TSC1: variants seen among roughly 807,000 people sequenced by gnomAD.
TSC1 encodes TSC complex subunit 1.
TSC1 carries 20 observed loss-of-function variants against 124.3 expected under a neutral mutation model. The ratio of observed to expected loss-of-function variants is 0.16; its 90% CI spans 0.11 to 0.23. The LOEUF is 0.23. TSC1 is among the 10% of genes least tolerant of loss of function. The pLI, the probability that TSC1 is intolerant of heterozygous loss-of-function variation, is 1.00. For synonymous variants in TSC1, 493 were observed against 539.1 expected (o/e 0.91, Z 1.19); for missense variants, 1,124 against 1,448.5 (o/e 0.78, Z 3.64).
intron 8 of TSC1, among the ~76,000 whole-genome samples, chr9:132,913,378 G>A (rs1275027885): frequency 2.0e-5 from 3 of 152,196 alleles, no homozygotes; most frequent in African/African-American, 7.2e-5. Context: ...TGTGCCCTTT[G>A]TGGTGAGTCT....
At chr9:132,911,416 G>T in intron 10 of TSC1, 37 bp downstream of exon 10, 1 of 1,487,798 alleles carries the variant, frequency 6.7e-7, no homozygotes, top group Non-Finnish European at 9.4e-7. Context: ...TCACCAGAAA[G>T]CAGAGGAGAG....
chr9:132,905,491 G>T, intron 15 of TSC1, 90 bp downstream of exon 15: 1 of 1,582,284 alleles, frequency 6.3e-7, no homozygotes. Context: ...GTGGGAGTGT[G>T]AAGAATGATT....
chr9:132,938,600 G>A (rs1237533051), intron 1 of TSC1, among the ~76,000 whole-genome samples: 2 of 152,076 alleles, frequency 1.3e-5, no homozygotes, highest in African/African-American at 2.4e-5. Context: ...GTTTACAGAC[G>A]GATGGCTTAT....
Position 132,921,197 on chromosome 9 carries a change from A to G in TSC1, c.737+166T>C, listed in dbSNP as rs913727395. 3.3e-5 allele frequency among the ~76,000 whole-genome samples: 5 copies of G among 152,106 alleles called. No individual in the cohort carries two copies. Among genetic ancestry groups the G allele is most frequent in the African/African-American group, 1.2e-4 (5 of 41,430 alleles). On this transcript the variant is annotated intron_variant, in intron 8 of 22. Transcript: ENST00000298552. The surrounding 1 kb of genome is among the most constrained non-coding windows in gnomAD (Gnocchi z 4.3). ...TATTAGTCCTCCGCCTGTGAAGAGT[A>G]TGTTTTAAACTCACACAAATTTTAG...
At position 132,896,274 on chromosome 9, in the gene TSC1, A is replaced by G. The variant is rs1588285851; in HGVS notation, c.3456T>C (p.His1152=). The change falls in exon 23 of 23, where the codon CAT becomes CAC. Residue 1152 remains histidine (H), a synonymous_variant. Transcript: ENST00000298552. The surrounding 1 kb of genome is among the most constrained non-coding windows in gnomAD (Gnocchi z 4.5). Reference sequence around the variant, plus strand: ...GATGAGTCTCATTGTAGTCCATGATATGTAGCTGTCCAACACTGTCCGGGG... The same window carrying G: ...GATGAGTCTCATTGTAGTCCATGATGTGTAGCTGTCCAACACTGTCCGGGG... ...PPTPDSVGQL[H]IMDYNETHHE... 4 of 1,614,180 alleles carry G rather than the reference A, an allele frequency of 2.5e-6. No individual in the cohort carries two copies. The highest frequency in any genetic ancestry group is 3.4e-6 in the Non-Finnish European group (4 of 1,180,030).
intron 20 of TSC1, chr9:132,898,860 C>T (rs1845222764): frequency 2.0e-5 from 3 of 152,298 alleles, no homozygotes; most frequent in African/African-American, 4.8e-5. Context: ...TAGGGATGGG[C>T]ACAGGACAGG....
chr9:132,908,901 C>CTTTTTTTTTTT lies in TSC1; in HGVS notation c.1264-1542_1264-1532dup, dbSNP rs35234317. On this transcript the variant is annotated intron_variant, in intron 12 of 22. Coordinates refer to ENST00000298552, the MANE Select transcript of TSC1 (RefSeq NM_000368.5). ...TTAAAACCCACTAGTCTACCTTGCA[C>CTTTTTTTTTTT]TTTTTTTTTTTTTTTTTGTGACAGT... is the stretch of plus-strand genomic sequence containing the variant. 3.5e-4 allele frequency among the ~76,000 whole-genome samples: 42 copies of CTTTTTTTTTTT among 121,498 alleles called. 1 individual carries two copies. The highest frequency in any genetic ancestry group is 7.0e-4 in the African/African-American group (21 of 30,146). The allele number at this position is 121,498 out of a possible 152,430, so 79.7% of individuals were successfully genotyped here. A position where few individuals can be genotyped will look rare whatever the true frequency, so the allele number is the denominator to read the frequency against.
intron 5 of TSC1, chr9:132,925,068 C>A: frequency 6.2e-6 from 1 of 161,564 alleles, no homozygotes; most frequent in Non-Finnish European, 1.4e-5. Flanking sequence ...AAACTAAAAC[C>A]ATAAAGTTCT....
At position 132,935,043 on chromosome 9, in the gene TSC1, G is replaced by A. The variant is rs1002002547; in HGVS notation, c.-91C>T. The A allele has an allele frequency of 1.0e-5, 4 of 399,026 alleles. No individual in the cohort carries two copies. The highest frequency in any genetic ancestry group is 1.3e-4 in the South Asian group (1 of 7,850). 24.7% of individuals were successfully genotyped at this position (399,026 alleles called of 1,614,324 possible). Reference sequence around the variant, plus strand: ...CTGGTTATAGCTTACCTGTTCTAGCGACAACTGGTACTTCAGTTTCCAGTG... The same window carrying A: ...CTGGTTATAGCTTACCTGTTCTAGCAACAACTGGTACTTCAGTTTCCAGTG... On this transcript the variant is annotated 5_prime_UTR_variant, in exon 2 of 23. Coordinates refer to ENST00000298552, the MANE Select transcript of TSC1 (RefSeq NM_000368.5).
intron 1 of TSC1, among the ~76,000 whole-genome samples, chr9:132,938,531 GA>G (rs1847579036): frequency 6.6e-6 from 1 of 152,132 alleles, no homozygotes; most frequent in Non-Finnish European, 1.5e-5. Context: ...AGATGAAACA[GA>G]AGGCACATAG....
intron 19 of TSC1, 144 bp from the exon 20 acceptor site, chr9:132,900,981 A>C (rs1482857894): frequency 8.3e-7 from 1 of 1,206,552 alleles, no homozygotes; most frequent in African/African-American, 1.5e-5. Context: ...AGTCCCTGAC[A>C]TAATGGCAGG....
rs1588282187 is a variant in TSC1 at position 132,894,504 on chromosome 9, G to A, written c.*1731C>T. On this transcript the variant is annotated 3_prime_UTR_variant, in exon 23 of 23. Coordinates refer to ENST00000298552, the MANE Select transcript of TSC1 (RefSeq NM_000368.5). ...GTGGTGTCACTAATACTCCACATCTGACAATTCAGTACCAACTGCCAGCCT... is the reference window on the plus strand; with the variant it reads ...GTGGTGTCACTAATACTCCACATCTAACAATTCAGTACCAACTGCCAGCCT... 5.3e-5 allele frequency: 12 copies of A among 228,318 alleles called. No homozygotes were observed. In the East Asian group the frequency reaches 7.5e-4, roughly 14 times the overall value. 14.1% of individuals were successfully genotyped at this position (228,318 alleles called of 1,614,324 possible).
chr9:132,911,633 A>G (rs1185766688), intron 9 of TSC1, 65 bp from the exon 10 acceptor site: 2 of 633,464 alleles, frequency 3.2e-6, no homozygotes, highest in African/African-American at 4.1e-5. Flanking sequence ...GTTAAAAAAA[A>G]AAAAAAAAAA....
At chr9:132,932,661 C>A (rs902448520) in intron 2 of TSC1, among the ~76,000 whole-genome samples, 4 of 152,196 alleles carry the variant, frequency 2.6e-5, no homozygotes, top group Admixed American at 2.6e-4. Context: ...AACCTCCCAA[C>A]CCCCCTCTGC....
chr9:132,903,878 C>T lies in TSC1; in HGVS notation c.2042-61G>A. 3 of 1,590,652 alleles carry T rather than the reference C, an allele frequency of 1.9e-6. No individual in the cohort carries two copies. The highest frequency in any genetic ancestry group is 2.2e-5 in the South Asian group (2 of 90,230). ...CTTTTACAGATGGTTCAATCAAGCC[C>T]CCTTCCCATGTGTTGTTAGCTTAAC... is the stretch of plus-strand genomic sequence containing the variant. On this transcript the variant is annotated intron_variant, in intron 16 of 22. Transcript: ENST00000298552. This position sits in a 1 kb window ranked among gnomAD's most constrained non-coding sequence, Gnocchi z 5.9.
upstream of TSC1, among the ~76,000 whole-genome samples, chr9:132,945,004 G>C (rs563186524): frequency 7.3e-3 from 1,113 of 152,246 alleles, 14 homozygotes; most frequent in African/African-American, 0.025. Context: ...AGCTGGCGGC[G>C]CCTGGGTGTG....
rs115516164 is a variant in TSC1, at chr9:132,893,677, T to C, written c.*2558A>G. 4,064 of 233,202 alleles carry C rather than the reference T, an allele frequency of 0.017. 161 individuals carry two copies. Among genetic ancestry groups the C allele is most frequent in the African/African-American group, 0.083 (3,774 of 45,452 alleles). The allele number at this position is 233,202 out of a possible 1,614,324, so 14.4% of individuals were successfully genotyped here. A position where few individuals can be genotyped will look rare whatever the true frequency, so the allele number is the denominator to read the frequency against. ...ATTGGCCAAACAGCTGAGACAGGTA[T>C]GCTCACCCATAGTGATTTCTGGATG... On this transcript the variant is annotated 3_prime_UTR_variant, in exon 23 of 23. Transcript: ENST00000298552.
intron 1 of TSC1, among the ~76,000 whole-genome samples, chr9:132,940,369 T>C (rs1162583753): frequency 6.6e-6 from 1 of 152,160 alleles, no homozygotes; most frequent in Non-Finnish European, 1.5e-5. Context: ...CCCATGTCTG[T>C]ATGAATTTTT....
At chr9:132,938,832 T>G (rs1847596096) in intron 1 of TSC1, among the ~76,000 whole-genome samples, 1 of 152,186 alleles carries the variant, frequency 6.6e-6, no homozygotes, top group Admixed American at 6.5e-5. Context: ...TATTCGAATT[T>G]TTCAAAAACA....
Sources: allele counts gnomAD v4.1 joint callset (sites outside exome capture counted in the v4.1 genomes callset), GRCh38; gene constraint gnomAD v4.1.1; non-coding constraint Gnocchi (gnomAD v3.1); transcripts MANE v1.5; gene names NCBI Gene and HGNC (gene_info 2026-07-23, HGNC 2026-07-21).